The following COL22A1 variants were observed in gnomAD, a reference collection of about 807,000 sequenced individuals.
COL22A1 encodes collagen alpha-1(XXII) chain.
In COL22A1, 221 loss-of-function variants were observed where a neutral mutation model predicts 248.9. The ratio of observed to expected loss-of-function variants is 0.89; its 90% CI spans 0.80 to 0.99. The LOEUF is 0.99. COL22A1 is among the 50% of genes least tolerant of loss of function. The pLI is 0.00. For synonymous variants in COL22A1, 891 were observed against 793.4 expected (o/e 1.12, Z -2.07); for missense variants, 2,240 against 2,179.0 (o/e 1.03, Z -0.56).
chr8:138,638,576 TGGGA>T (rs1467962958), intron 47 of COL22A1, among the ~76,000 whole-genome samples: 8 of 152,150 alleles, frequency 5.3e-5, no homozygotes, highest in Admixed American at 5.2e-4. Context: ...TGTGATATAT[TGGGA>T]GGGTTAGGTG....
At chr8:138,708,076 C>A (rs1221804453) in intron 30 of COL22A1, among the ~76,000 whole-genome samples, 1 of 152,126 alleles carries the variant, frequency 6.6e-6, no homozygotes, top group South Asian at 2.1e-4. Context: ...ATCCAACTTA[C>A]AAGGGACATG....
intron 43 of COL22A1, among the ~76,000 whole-genome samples, chr8:138,660,928 AC>A (rs1173504732): frequency 8.5e-6 from 1 of 116,996 alleles, no homozygotes; most frequent in African/African-American, 4.6e-5. Context: ...ACACACACAG[AC>A]ACACAGACAC....
chr8:138,837,379 G>T (rs546246392), intron 4 of COL22A1, among the ~76,000 whole-genome samples: 2 of 152,198 alleles, frequency 1.3e-5, no homozygotes, highest in African/African-American at 4.8e-5. Context: ...CAGACATTGG[G>T]AGACATTCAC....
chr8:138,756,905 T>A (rs888672703), intron 18 of COL22A1, among the ~76,000 whole-genome samples: 1 of 152,216 alleles, frequency 6.6e-6, no homozygotes, highest in African/African-American at 2.4e-5. Flanking sequence ...CGATCCATCA[T>A]GTTTTATGTC....
intron 23 of COL22A1, among the ~76,000 whole-genome samples, 191 bp downstream of exon 23, chr8:138,737,333 G>A (rs1467859403): frequency 6.6e-6 from 1 of 152,094 alleles, no homozygotes; most frequent in Non-Finnish European, 1.5e-5. Context: ...GCCAACAATG[G>A]CCATTCAGCT....
chr8:138,899,418 T>C (rs1485065111), intron 1 of COL22A1, among the ~76,000 whole-genome samples: 1 of 152,200 alleles, frequency 6.6e-6, no homozygotes, highest in Non-Finnish European at 1.5e-5. Flanking sequence ...TGAGACACAA[T>C]ACCCTCAAGG....
chr8:138,807,109 T>G (rs1270004775), intron 10 of COL22A1, among the ~76,000 whole-genome samples: 2 of 151,010 alleles, frequency 1.3e-5, no homozygotes, highest in Non-Finnish European at 2.9e-5. Flanking sequence ...GAGTGAGAGA[T>G]AAAGACAGAG....
At chr8:138,801,324 AGTT>A (rs780596252) in intron 11 of COL22A1, among the ~76,000 whole-genome samples, 3 of 152,200 alleles carry the variant, frequency 2.0e-5, no homozygotes, top group African/African-American at 4.8e-5. Context: ...CTATGTCAAA[AGTT>A]GTTCCATGGA....
chr8:138,589,570 G>T, intron 64 of COL22A1, 130 bp from the exon 65 acceptor site: 1 of 689,704 alleles, frequency 1.4e-6, no homozygotes, highest in Non-Finnish European at 2.2e-6. Flanking sequence ...CATCCCCATG[G>T]TCTGGGAGCT....
intron 27 of COL22A1, among the ~76,000 whole-genome samples, chr8:138,719,602 G>C (rs1829713542): frequency 1.3e-5 from 2 of 152,176 alleles, no homozygotes; most frequent in Admixed American, 1.3e-4. Context: ...CTTTATGAAA[G>C]AGTGAAACAA....
intron 41 of COL22A1, 93 bp from the exon 42 acceptor site, chr8:138,663,833 T>G: frequency 1.0e-6 from 1 of 1,001,276 alleles, no homozygotes; most frequent in Non-Finnish European, 1.6e-6. Context: ...GGTCCTCAGT[T>G]GTCCTAGGAG....
intron 3 of COL22A1, among the ~76,000 whole-genome samples, chr8:138,860,259 G>T (rs149984632): frequency 2.6e-5 from 4 of 152,220 alleles, no homozygotes; most frequent in African/African-American, 7.2e-5. Context: ...TTCTCATTCA[G>T]TTCTGTGTAA....
intron 58 of COL22A1, 150 bp from the exon 59 acceptor site, chr8:138,604,919 C>A: frequency 1.3e-6 from 1 of 775,690 alleles, no homozygotes; most frequent in South Asian, 1.6e-5. Flanking sequence ...CCCAGACAGG[C>A]TCTCTGGCCA....
intron 57 of COL22A1, 65 bp downstream of exon 57, chr8:138,607,871 T>C (rs1336800810): frequency 1.4e-6 from 2 of 1,436,188 alleles, no homozygotes; most frequent in African/African-American, 1.4e-5. Flanking sequence ...CAATCTGTAA[T>C]GTGATCCACA....
At chr8:138,803,278 A>G (rs566718850) in intron 10 of COL22A1, among the ~76,000 whole-genome samples, 2 of 152,300 alleles carry the variant, frequency 1.3e-5, no homozygotes, top group South Asian at 4.1e-4. Context: ...GCCACTTCCC[A>G]GGAGCACACC....
At chr8:138,843,863 A>AG (rs1821051545) in intron 4 of COL22A1, among the ~76,000 whole-genome samples, 2 of 152,236 alleles carry the variant, frequency 1.3e-5, no homozygotes, top group African/African-American at 4.8e-5. Flanking sequence ...GAATATCCAC[A>AG]GCCTGCCAAA....
intron 45 of COL22A1, among the ~76,000 whole-genome samples, chr8:138,655,155 T>C (rs1265938343): frequency 6.6e-6 from 1 of 152,208 alleles, no homozygotes; most frequent in Non-Finnish European, 1.5e-5. Context: ...ATATGCTGAA[T>C]AACACAACAA....
intron 63 of COL22A1, among the ~76,000 whole-genome samples, chr8:138,592,772 T>C (rs771893025): frequency 6.6e-6 from 1 of 152,206 alleles, no homozygotes; most frequent in African/African-American, 2.4e-5. Context: ...TGGTCTCCTG[T>C]CTTTTATCTT....
At chr8:138,866,558 CAG>C (rs747413418) in intron 3 of COL22A1, among the ~76,000 whole-genome samples, 4 of 152,216 alleles carry the variant, frequency 2.6e-5, no homozygotes, top group Non-Finnish European at 4.4e-5. Context: ...ATGTGAAATG[CAG>C]AGTCTCCATG....
Sources: allele counts gnomAD v4.1 joint callset (sites outside exome capture counted in the v4.1 genomes callset), GRCh38; gene constraint gnomAD v4.1.1; transcripts MANE v1.5; gene names NCBI Gene and HGNC (gene_info 2026-07-23, HGNC 2026-07-21).